Variants in AP3B1 observed in about 807,000 individuals in gnomAD.
AP3B1 encodes the protein AP-3 complex subunit beta-1.
Under a neutral mutation model 132.5 loss-of-function variants are expected in AP3B1, and 61 were observed. The observed-to-expected ratio is 0.46, with a 90% CI of 0.37 to 0.57. AP3B1 has a LOEUF of 0.57. AP3B1 is among the 20% of genes least tolerant of loss of function. The probability of loss-of-function intolerance (pLI) is 0.00; values close to 1 mark genes in which losing one functional copy is unlikely to be tolerated. For synonymous variants in AP3B1, 388 were observed against 438.3 expected, an observed-to-expected ratio of 0.89 and a Z score of 1.43; for missense variants, 1,120 against 1,289.4, an observed-to-expected ratio of 0.87 and a Z score of 2.01.
At chr5:78,254,792 CAT>C (rs1747786928) in intron 2 of AP3B1, among the ~76,000 whole-genome samples, 1 of 152,044 alleles carries the variant, frequency 6.6e-6, no homozygotes, top group Non-Finnish European at 1.5e-5. Flanking sequence ...CACAGAAAAA[CAT>C]AGAATATTAT....
chr5:78,023,683 A>G (rs569781739), intron 24 of AP3B1, among the ~76,000 whole-genome samples: 1 of 152,288 alleles, frequency 6.6e-6, no homozygotes, highest in African/African-American at 2.4e-5. Context: ...AAGAGACTGG[A>G]GGAAGAGTGG....
chr5:78,188,448 A>G (rs554590055), intron 7 of AP3B1, among the ~76,000 whole-genome samples: 3 of 152,230 alleles, frequency 2.0e-5, no homozygotes, highest in African/African-American at 7.2e-5. Flanking sequence ...TCAAAAAAAG[A>G]TATACATGCA....
intron 21 of AP3B1, among the ~76,000 whole-genome samples, chr5:78,098,577 C>T (rs1468180114): frequency 6.6e-6 from 1 of 152,120 alleles, no homozygotes; most frequent in Non-Finnish European, 1.5e-5. Context: ...GTAAGATATT[C>T]AAATGTCACA....
chr5:78,038,036 T>C (rs1747875622), intron 23 of AP3B1, among the ~76,000 whole-genome samples: 2 of 152,194 alleles, frequency 1.3e-5, no homozygotes, highest in Non-Finnish European at 2.9e-5. Context: ...ACTGACACTT[T>C]GTTGGAGAGA....
chr5:78,165,578 G>C (rs752794362), intron 12 of AP3B1, 32 bp downstream of exon 12: 1 of 1,491,686 alleles, frequency 6.7e-7, no homozygotes, highest in South Asian at 1.1e-5. Flanking sequence ...ATATGTTTTA[G>C]AAGTTTTTTA....
intron 15 of AP3B1, among the ~76,000 whole-genome samples, chr5:78,136,717 TG>T (rs67726489): frequency 0.077 from 11,649 of 150,562 alleles, 579 homozygotes; most frequent in African/African-American, 0.14. Context: ...ATTGTACTTC[TG>T]GTTTTTTTTT....
At chr5:78,213,379 TC>T (rs1224937581) in intron 7 of AP3B1, among the ~76,000 whole-genome samples, 1 of 152,192 alleles carries the variant, frequency 6.6e-6, no homozygotes, top group African/African-American at 2.4e-5. Flanking sequence ...ACAGACATGG[TC>T]CTAGTGTTGA....
At chr5:78,203,474 C>A (rs1253850635) in intron 7 of AP3B1, among the ~76,000 whole-genome samples, 1 of 152,130 alleles carries the variant, frequency 6.6e-6, no homozygotes, top group Non-Finnish European at 1.5e-5. Flanking sequence ...ATTATCTCCA[C>A]CTGGTCCCAC....
intron 13 of AP3B1, among the ~76,000 whole-genome samples, chr5:78,159,702 G>A (rs754339630): frequency 1.1e-4 from 17 of 152,232 alleles, no homozygotes; most frequent in Admixed American, 8.5e-4. Flanking sequence ...CTTTTTCCAC[G>A]TAAGGTAACA....
intron 2 of AP3B1, among the ~76,000 whole-genome samples, chr5:78,251,566 C>G (rs1747636321): frequency 6.6e-6 from 1 of 152,220 alleles, no homozygotes; most frequent in African/African-American, 2.4e-5. Context: ...AGGCACTGAA[C>G]TCTGTGCTGT....
chr5:78,114,839 A>G (rs906244597), intron 18 of AP3B1, among the ~76,000 whole-genome samples: 1 of 152,242 alleles, frequency 6.6e-6, no homozygotes, highest in Non-Finnish European at 1.5e-5. Flanking sequence ...GGGTACAAGC[A>G]TGGGTTCTCA....
intron 6 of AP3B1, among the ~76,000 whole-genome samples, chr5:78,218,934 T>A (rs1746069386): frequency 6.6e-6 from 1 of 152,116 alleles, no homozygotes; most frequent in South Asian, 2.1e-4. Context: ...GATCAGTCAT[T>A]TATCTTCTAA....
In AP3B1 at chr5:78,052,189, ATATTT is replaced by A. The variant is rs943430606; in HGVS notation, c.2578-12920_2578-12916del. 1.6e-4 allele frequency among the ~76,000 whole-genome samples: 25 copies of A among 151,688 alleles called. 2 individuals carry two copies. In the East Asian group the frequency reaches 3.7e-3, roughly 22 times the overall value. ...ATATACAAATTTATGATAATTTCTC[ATATTT>A]TATTTTAGTAATCACTATACATTAT... On this transcript the variant is annotated intron_variant, in intron 22 of 26. Coordinates refer to ENST00000255194, the MANE Select transcript of AP3B1 (RefSeq NM_003664.5).
chr5:78,228,021 G>T, intron 4 of AP3B1, 123 bp downstream of exon 4: 1 of 603,380 alleles, frequency 1.7e-6, no homozygotes, highest in Non-Finnish European at 2.8e-6. Context: ...ACTATAGGAG[G>T]CTTTTAACTC....
At chr5:78,097,793 T>C (rs946584428) in intron 21 of AP3B1, among the ~76,000 whole-genome samples, 24 of 152,178 alleles carry the variant, frequency 1.6e-4, no homozygotes, top group East Asian at 3.9e-4. Context: ...AACAGCTCAT[T>C]GAGAACGGGC....
chr5:78,115,896 T>TACCAATGTATCAGCTAC, intron 18 of AP3B1: 1 of 517,174 alleles, frequency 1.9e-6, no homozygotes, highest in African/African-American at 1.9e-5. Context: ...GTTTCAGCTA[T>TACCAATGTATCAGCTAC]ACCAATGTAT....
intron 25 of AP3B1, among the ~76,000 whole-genome samples, chr5:78,016,797 G>C (rs978386222): frequency 6.6e-6 from 1 of 152,020 alleles, no homozygotes; most frequent in Non-Finnish European, 1.5e-5. Context: ...TTCTGTCTTA[G>C]ACCGTTTAAC....
intron 7 of AP3B1, among the ~76,000 whole-genome samples, chr5:78,206,061 T>C (rs1745492182): frequency 1.3e-5 from 2 of 152,194 alleles, no homozygotes. Flanking sequence ...CTGATTTTTT[T>C]TAATGTGAAC....
At chr5:78,286,885 CATA>C (rs1404589239) in intron 1 of AP3B1, among the ~76,000 whole-genome samples, 2 of 152,164 alleles carry the variant, frequency 1.3e-5, no homozygotes, top group Admixed American at 1.3e-4. Flanking sequence ...CAACGTTATT[CATA>C]ATAATATGAA....
Sources: allele counts gnomAD v4.1 joint callset (sites outside exome capture counted in the v4.1 genomes callset), GRCh38; gene constraint gnomAD v4.1.1; transcripts MANE v1.5; gene names NCBI Gene and HGNC (gene_info 2026-07-23, HGNC 2026-07-21).